The following PITPNC1 variants were observed in gnomAD, a reference collection of about 807,000 sequenced individuals.
PITPNC1 encodes the protein phosphatidylinositol transfer protein cytoplasmic 1, also known as cytoplasmic phosphatidylinositol transfer protein 1.
A neutral mutation model predicts 44.7 loss-of-function variants in PITPNC1; 18 were observed. The observed-to-expected ratio is 0.40, with a 90% CI of 0.28 to 0.60. The LOEUF (loss-of-function observed/expected upper bound fraction) is 0.60, where lower values mean the gene tolerates loss of function less well. PITPNC1 is among the 20% of genes least tolerant of loss of function. The pLI, the probability that PITPNC1 is intolerant of heterozygous loss-of-function variation, is 0.39. For missense variants in PITPNC1, 290 were observed against 418.4 expected (o/e 0.69, Z 2.68); for synonymous variants, 141 against 149.6 (o/e 0.94, Z 0.42).
chr17:67,673,981 A>G (rs2042558104), intron 7 of PITPNC1, among the ~76,000 whole-genome samples: 1 of 151,624 alleles, frequency 6.6e-6, no homozygotes, highest in Admixed American at 6.6e-5. Context: ...AAAAAAAAAA[A>G]AAAAAAAAGA....
intron 1 of PITPNC1, among the ~76,000 whole-genome samples, chr17:67,441,653 A>G (rs374954148): frequency 1.3e-5 from 2 of 152,324 alleles, no homozygotes; most frequent in Non-Finnish European, 1.5e-5. Flanking sequence ...GACGTCAATT[A>G]TTCTTCTCCC....
intron 1 of PITPNC1, among the ~76,000 whole-genome samples, chr17:67,481,754 T>G (rs2039705705): frequency 6.6e-6 from 1 of 150,702 alleles, no homozygotes; most frequent in Non-Finnish European, 1.5e-5. Context: ...AGAAGATGTA[T>G]ACTCTGAAGC....
chr17:67,667,656 TG>T (rs2042443981), intron 6 of PITPNC1, among the ~76,000 whole-genome samples: 1 of 149,594 alleles, frequency 6.7e-6, no homozygotes, highest in Admixed American at 6.7e-5. Flanking sequence ...AGACAAATAT[TG>T]GATGATTAAA....
chr17:67,531,437 G>T (rs1249283572), intron 1 of PITPNC1, among the ~76,000 whole-genome samples: 1 of 152,102 alleles, frequency 6.6e-6, no homozygotes, highest in African/African-American at 2.4e-5. Flanking sequence ...ACAGTCCTTC[G>T]AGAAGACCCA....
At chr17:67,502,568 G>C (rs925905923) in intron 1 of PITPNC1, among the ~76,000 whole-genome samples, 33 of 152,142 alleles carry the variant, frequency 2.2e-4, no homozygotes, top group African/African-American at 7.5e-4. Context: ...CATTGGGGCT[G>C]TTGTCAGTAA....
chr17:67,379,033 A>G, intron 1 of PITPNC1: 1 of 985,668 alleles, frequency 1.0e-6, no homozygotes, highest in Non-Finnish European at 1.2e-6. Flanking sequence ...GTATTCAGGA[A>G]GTGGTGACTC....
intron 5 of PITPNC1, among the ~76,000 whole-genome samples, chr17:67,586,880 T>C (rs1222160458): frequency 6.6e-6 from 1 of 152,174 alleles, no homozygotes; most frequent in Non-Finnish European, 1.5e-5. Flanking sequence ...GTTGGTAGGC[T>C]ATTGGAATGA....
intron 4 of PITPNC1, among the ~76,000 whole-genome samples, chr17:67,558,080 G>A (rs1003020255): frequency 6.6e-6 from 1 of 152,148 alleles, no homozygotes; most frequent in African/African-American, 2.4e-5. Flanking sequence ...TGACTGTTTA[G>A]CCTATTACTC....
At chr17:67,609,620 A>G (rs546102980) in intron 5 of PITPNC1, among the ~76,000 whole-genome samples, 147 of 152,188 alleles carry the variant, frequency 9.7e-4, no homozygotes, top group African/African-American at 3.5e-3. Flanking sequence ...TGGAGAAAAA[A>G]GGACAGCTGC....
At chr17:67,495,508 C>G (rs77160682) in intron 1 of PITPNC1, among the ~76,000 whole-genome samples, 1 of 151,990 alleles carries the variant, frequency 6.6e-6, no homozygotes, top group Non-Finnish European at 1.5e-5. Flanking sequence ...CCAGTAGATA[C>G]GTTTTCTGAT....
intron 1 of PITPNC1, among the ~76,000 whole-genome samples, chr17:67,425,193 G>GCGCGCGCGCACACACACA (rs1160522771): frequency 3.8e-5 from 2 of 52,118 alleles, no homozygotes; most frequent in African/African-American, 1.0e-4. Context: ...TTGTGCGCGC[G>GCGCGCGCGCACACACACA]CACGCACACG....
chr17:67,588,602 A>C (rs928175149), intron 5 of PITPNC1, among the ~76,000 whole-genome samples: 1 of 152,168 alleles, frequency 6.6e-6, no homozygotes, highest in Non-Finnish European at 1.5e-5. Flanking sequence ...CAAAAGAAAA[A>C]AAATAGAGCG....
chr17:67,582,972 A>T (rs991173588), intron 5 of PITPNC1, among the ~76,000 whole-genome samples: 1 of 152,180 alleles, frequency 6.6e-6, no homozygotes, highest in Non-Finnish European at 1.5e-5. Flanking sequence ...TCTTCCAAAC[A>T]AAGCAGGCAC....
At chr17:67,475,014 C>T (rs981456629) in intron 1 of PITPNC1, among the ~76,000 whole-genome samples, 1 of 152,210 alleles carries the variant, frequency 6.6e-6, no homozygotes, top group Non-Finnish European at 1.5e-5. Context: ...TATTAATTTT[C>T]TGCAGAAAGA....
intron 5 of PITPNC1, among the ~76,000 whole-genome samples, chr17:67,621,728 G>A (rs116178386): frequency 0.011 from 1,665 of 152,202 alleles, 30 homozygotes; most frequent in African/African-American, 0.039. Flanking sequence ...CATCTCTAGA[G>A]TGCTGTCCTT....
chr17:67,538,710 G>A (rs1221399083), intron 2 of PITPNC1, among the ~76,000 whole-genome samples: 2 of 151,788 alleles, frequency 1.3e-5, no homozygotes, highest in Non-Finnish European at 2.9e-5. Flanking sequence ...GAGTAGACTA[G>A]AACTAATTAA....
rs1301366159 is a variant in PITPNC1, at chr17:67,498,851, TC to T, written c.49-33950del. On this transcript the variant is annotated intron_variant, in intron 1 of 8. Transcript: ENST00000581322. ...GTACTCACTAGTCACTTGTGTATCT[TC>T]TTTGTTTTTTTTTTTGTTTGTTTTT... is the stretch of plus-strand genomic sequence containing the variant. Among the ~76,000 whole-genome samples the T allele has an allele frequency of 2.0e-5, 3 of 149,058 alleles. No individual in the cohort carries two copies. In the East Asian group the frequency reaches 5.9e-4, roughly 29 times the overall value.
intron 1 of PITPNC1, among the ~76,000 whole-genome samples, chr17:67,410,434 G>A (rs1375849172): frequency 3.9e-5 from 6 of 152,040 alleles, no homozygotes; most frequent in African/African-American, 9.7e-5. Context: ...GCGGGAGTGC[G>A]GTGCAGTGGC....
intron 5 of PITPNC1, among the ~76,000 whole-genome samples, chr17:67,625,727 C>G (rs951546253): frequency 1.3e-5 from 2 of 152,096 alleles, no homozygotes; most frequent in Non-Finnish European, 2.9e-5. Flanking sequence ...AAGGAACAAG[C>G]CAAGGAGCAA....
Sources: allele counts gnomAD v4.1 joint callset (sites outside exome capture counted in the v4.1 genomes callset), GRCh38; gene constraint gnomAD v4.1.1; transcripts MANE v1.5; gene names NCBI Gene and HGNC (gene_info 2026-07-23, HGNC 2026-07-21).